The following TMEM120B variants were observed in gnomAD, a reference collection of about 807,000 sequenced individuals.
TMEM120B encodes the protein transmembrane protein 120B.
In TMEM120B, 31 loss-of-function variants were observed where a neutral mutation model predicts 55.5. The ratio of observed to expected loss-of-function variants is 0.56; its 90% CI spans 0.42 to 0.75. TMEM120B has a LOEUF of 0.75. Ranked by LOEUF, TMEM120B falls within the 30% of genes least tolerant of loss-of-function variation. The pLI, the probability that TMEM120B is intolerant of heterozygous loss-of-function variation, is 0.00. For missense variants in TMEM120B, 399 were observed against 425.5 expected (o/e 0.94, Z 0.55); for synonymous variants, 203 against 176.3 (o/e 1.15, Z -1.20).
chr12:121,769,758 CATTT>C (rs1312584119), intron 6 of TMEM120B, among the ~76,000 whole-genome samples: 1 of 149,164 alleles, frequency 6.7e-6, no homozygotes, highest in Non-Finnish European at 1.5e-5. Flanking sequence ...TTATTCAACA[CATTT>C]ATTGAGCAGC....
intron 2 of TMEM120B, among the ~76,000 whole-genome samples, chr12:121,745,498 C>A (rs920938717): frequency 9.2e-5 from 14 of 151,454 alleles, no homozygotes; most frequent in Non-Finnish European, 8.8e-5. Flanking sequence ...TCAAGCAATT[C>A]TTCCTGTCTC....
At chr12:121,750,790 CT>C (rs1873266274) in intron 4 of TMEM120B, among the ~76,000 whole-genome samples, 1 of 142,636 alleles carries the variant, frequency 7.0e-6, no homozygotes, top group African/African-American at 2.6e-5. Context: ...ACAGCCACAC[CT>C]ACACCCCACA....
At chr12:121,740,096 A>G (rs1054923644) in intron 1 of TMEM120B, among the ~76,000 whole-genome samples, 4 of 152,150 alleles carry the variant, frequency 2.6e-5, no homozygotes, top group African/African-American at 4.8e-5. Context: ...CAAAACTTCT[A>G]TCAGCCTAAT....
intron 2 of TMEM120B, among the ~76,000 whole-genome samples, chr12:121,745,703 G>T (rs1873060992): frequency 1.3e-5 from 2 of 151,622 alleles, no homozygotes; most frequent in South Asian, 4.2e-4. Flanking sequence ...TACTTTTTTT[G>T]AGATAGTGTC....
At chr12:121,772,254 G>A (rs1282926074) in intron 8 of TMEM120B, among the ~76,000 whole-genome samples, 3 of 151,178 alleles carry the variant, frequency 2.0e-5, no homozygotes, top group Non-Finnish European at 2.9e-5. Flanking sequence ...TCAGCCTCCC[G>A]GGTGGCTGGG....
intron 5 of TMEM120B, 103 bp from the exon 6 acceptor site, chr12:121,761,546 T>TGGGC (rs988168534): frequency 1.2e-6 from 1 of 807,514 alleles, no homozygotes; most frequent in Non-Finnish European, 2.1e-6. Flanking sequence ...GCGCGTGCTG[T>TGGGC]GGGCAGCCCT....
rs1874056218 is a variant in TMEM120B, at chr12:121,771,617, C to T, written c.679+68C>T. ...TCTGAGACTTTCACCAAGGGAGGGC[C>T]CCAGCTGACATCAATCAGTGCTTGC... On this transcript the variant is annotated intron_variant, in intron 8 of 11. Transcript: ENST00000449592. 3 of 1,462,450 alleles carry T rather than the reference C, an allele frequency of 2.1e-6. No individual in the cohort carries two copies. The South Asian group carries it at 3.4e-5, about 17-fold the overall frequency. The allele number at this position is 1,462,450 out of a possible 1,614,324, so 90.6% of individuals were successfully genotyped here.
intron 1 of TMEM120B, among the ~76,000 whole-genome samples, chr12:121,724,680 G>A (rs550140711): frequency 1.5e-3 from 227 of 150,232 alleles, no homozygotes; most frequent in African/African-American, 5.3e-3. Flanking sequence ...GCGCAATCTC[G>A]ACTCATTGCA....
chr12:121,774,059 G>A (rs1359095445), intron 9 of TMEM120B, among the ~76,000 whole-genome samples: 5 of 147,212 alleles, frequency 3.4e-5, no homozygotes, highest in Non-Finnish European at 7.4e-5. Context: ...GGGTTCAAGT[G>A]ATTCTCCCGC....
chr12:121,737,313 T>G (rs1002729608), intron 1 of TMEM120B, among the ~76,000 whole-genome samples: 2 of 152,116 alleles, frequency 1.3e-5, no homozygotes, highest in Non-Finnish European at 2.9e-5. Flanking sequence ...GATACCAGCC[T>G]GGCCAAAATG....
intron 1 of TMEM120B, among the ~76,000 whole-genome samples, chr12:121,740,120 T>C (rs757615437): frequency 6.6e-6 from 1 of 152,294 alleles, no homozygotes; most frequent in South Asian, 2.1e-4. Context: ...GACCAGAGTC[T>C]CACTGATAAC....
rs528696120 is a variant in TMEM120B, at chr12:121,770,062, G to C, written c.552-845G>C. ...ACGTCAAGGTCTTGGAGCAGAGAGAGCAGCAAGTCCAAAGGCCCTGGGTGA... is the reference window on the plus strand; with the variant it reads ...ACGTCAAGGTCTTGGAGCAGAGAGACCAGCAAGTCCAAAGGCCCTGGGTGA... On this transcript the variant is annotated intron_variant, in intron 6 of 11. Coordinates refer to ENST00000449592, the MANE Select transcript of TMEM120B (RefSeq NM_001080825.2). Among the ~76,000 whole-genome samples, 6 of 152,314 alleles carry C rather than the reference G, an allele frequency of 3.9e-5. No homozygotes were observed. The South Asian group carries it at 1.2e-3, about 32-fold the overall frequency.
chr12:121,752,315 C>G (rs1308362042), intron 5 of TMEM120B, 92 bp downstream of exon 5: 1 of 1,078,806 alleles, frequency 9.3e-7, no homozygotes, highest in Non-Finnish European at 1.4e-6. Flanking sequence ...GGAGCCTCTC[C>G]TGCTTCTGTG....
chr12:121,765,504 T>C (rs1466440923), intron 6 of TMEM120B, among the ~76,000 whole-genome samples: 1 of 152,178 alleles, frequency 6.6e-6, no homozygotes, highest in Admixed American at 6.5e-5. Context: ...GAACCATTCC[T>C]CCAGGCCTGT....
At chr12:121,755,915 A>T (rs753284112) in intron 5 of TMEM120B, among the ~76,000 whole-genome samples, 3 of 152,160 alleles carry the variant, frequency 2.0e-5, no homozygotes, top group Non-Finnish European at 4.4e-5. Context: ...CCAGCAGAGT[A>T]GATGCTGGTG....
At chr12:121,752,249 G>C (rs982550874) in intron 5 of TMEM120B, 26 bp downstream of exon 5, 4 of 1,601,692 alleles carry the variant, frequency 2.5e-6, no homozygotes, top group Non-Finnish European at 3.4e-6. Flanking sequence ...GTGTGTGCCT[G>C]GGCCTGGGCA....
Position 121,773,465 on chromosome 12 carries a change from T to TA in TMEM120B, c.725dup (p.Tyr242Ter), listed in dbSNP as rs1566527102. Residue 242 changes from tyrosine to a stop codon, truncating the protein, a stop_gained and frameshift_variant, in exon 9 of 12, where the codon TAC becomes TAAC. Coordinates refer to ENST00000449592, the MANE Select transcript of TMEM120B (RefSeq NM_001080825.2). LOFTEE classifies it high-confidence loss of function. Reference protein sequence around the residue: ...LQYYYQRGCLYRLRALGERNH... With the variant: ...LQYYYQRGCL The stretch of plus-strand genomic sequence containing the variant: ...ATATTATTACCAGAGGGGCTGCCTC[T>TA]ACCGGCTGCGGGCCCTGGGGGAGAG... 6.2e-7 allele frequency: 1 copy of TA among 1,609,698 alleles called. No individual in the cohort carries two copies. Among genetic ancestry groups the TA allele is most frequent in the South Asian group, 1.1e-5 (1 of 90,698 alleles).
At chr12:121,773,608 C>T (rs1281693676) in intron 9 of TMEM120B, 95 bp downstream of exon 9, 17 of 913,782 alleles carry the variant, frequency 1.9e-5, no homozygotes, top group Middle Eastern at 3.5e-4. Flanking sequence ...TCCCATACAG[C>T]GGAGCCAGGC....
chr12:121,733,974 G>A (rs1480082960), intron 1 of TMEM120B, among the ~76,000 whole-genome samples: 5 of 152,150 alleles, frequency 3.3e-5, no homozygotes, highest in African/African-American at 1.2e-4. Context: ...TATAAGCTAC[G>A]CTGCTGTCAC....
Sources: allele counts gnomAD v4.1 joint callset (sites outside exome capture counted in the v4.1 genomes callset), GRCh38; gene constraint gnomAD v4.1.1; transcripts MANE v1.5; gene names NCBI Gene and HGNC (gene_info 2026-07-23, HGNC 2026-07-21).